Variants in DSG2 observed in about 807,000 individuals in gnomAD.
The protein encoded by DSG2 is desmoglein-2.
Under a neutral mutation model 75.6 loss-of-function variants are expected in DSG2, and 45 were observed. The observed-to-expected ratio is 0.60, with a 90% CI of 0.47 to 0.76. DSG2 has a LOEUF of 0.76. Ranked by LOEUF, DSG2 falls within the 30% of genes least tolerant of loss-of-function variation. DSG2 has a pLI of 0.00. For synonymous variants in DSG2, 429 were observed against 483.9 expected, an observed-to-expected ratio of 0.89 and a Z score of 1.49; for missense variants, 1,267 against 1,357.4, an observed-to-expected ratio of 0.93 and a Z score of 1.05.
chr18:31,535,744 CCAGA>C (rs969693920), intron 10 of DSG2, among the ~76,000 whole-genome samples: 3 of 150,898 alleles, frequency 2.0e-5, no homozygotes, highest in Non-Finnish European at 3.0e-5. Flanking sequence ...GGAGATCGCG[CCAGA>C]CAAAGGGAGA....
rs2144347066 is a variant in DSG2 at position 31,538,992 on chromosome 18, A to G, written c.1879+14A>G. 1.2e-6 allele frequency: 2 copies of G among 1,611,326 alleles called. No individual in the cohort carries two copies. The highest frequency in any genetic ancestry group is 1.7e-6 in the Non-Finnish European group (2 of 1,179,484). On this transcript the variant is annotated intron_variant, in intron 12 of 14. Transcript: ENST00000261590. ...TGCTCCTGCTATGTAAGTCTTTAAA[A>G]GCCACTCTGTTGTGCTTTTGGGAAT...
At chr18:31,515,055 A>C (rs1269920773) in intron 1 of DSG2, among the ~76,000 whole-genome samples, 1 of 152,220 alleles carries the variant, frequency 6.6e-6, no homozygotes, top group African/African-American at 2.4e-5. Context: ...GCCTGTATCA[A>C]AGAGAAGAGT....
intron 1 of DSG2, among the ~76,000 whole-genome samples, chr18:31,505,285 C>T (rs528601889): frequency 1.4e-4 from 21 of 152,316 alleles, no homozygotes; most frequent in African/African-American, 4.1e-4. Flanking sequence ...TGCACAGAAA[C>T]AGATTATCTT....
intron 8 of DSG2, among the ~76,000 whole-genome samples, chr18:31,525,640 G>A (rs2073158830): frequency 6.6e-6 from 1 of 152,086 alleles, no homozygotes; most frequent in South Asian, 2.1e-4. Flanking sequence ...AAAACTGCAT[G>A]CCAAAAATGT....
At chr18:31,535,068 A>G (rs2073220781) in intron 9 of DSG2, among the ~76,000 whole-genome samples, 1 of 152,230 alleles carries the variant, frequency 6.6e-6, no homozygotes, top group Non-Finnish European at 1.5e-5. Flanking sequence ...TTGCAGGAAT[A>G]AGAAAGGTCC....
chr18:31,527,240 G>T (rs1035677615), intron 8 of DSG2, among the ~76,000 whole-genome samples: 4 of 152,118 alleles, frequency 2.6e-5, no homozygotes, highest in Admixed American at 2.6e-4. Flanking sequence ...TGCTATACAG[G>T]TTTGTAGCAT....
At chr18:31,502,862 AT>A (rs1462511548) in intron 1 of DSG2, among the ~76,000 whole-genome samples, 2 of 152,230 alleles carry the variant, frequency 1.3e-5, no homozygotes, top group East Asian at 3.8e-4. Flanking sequence ...TATTTGAGCA[AT>A]TTTTAATCAC....
At chr18:31,541,696 T>A (rs183473726) in intron 13 of DSG2, among the ~76,000 whole-genome samples, 6 of 152,262 alleles carry the variant, frequency 3.9e-5, no homozygotes, top group African/African-American at 1.4e-4. Flanking sequence ...CCATGACACT[T>A]GTAAAATGTT....
chr18:31,544,331 G>T (rs971552825), intron 14 of DSG2, among the ~76,000 whole-genome samples: 7 of 151,928 alleles, frequency 4.6e-5, no homozygotes, highest in Admixed American at 1.3e-4. Context: ...CCAGAGATCA[G>T]TAACAAAGAG....
chr18:31,526,945 G>A (rs2073166359), intron 8 of DSG2, among the ~76,000 whole-genome samples: 1 of 152,120 alleles, frequency 6.6e-6, no homozygotes, highest in South Asian at 2.1e-4. Context: ...TATTATTGGA[G>A]AAAGAAAGTT....
chr18:31,542,957 G>GT, intron 14 of DSG2, 105 bp downstream of exon 14: 1 of 968,492 alleles, frequency 1.0e-6, no homozygotes, highest in South Asian at 2.2e-5. Context: ...ATGAGACTTT[G>GT]GGTTTTTTTT....
intron 8 of DSG2, among the ~76,000 whole-genome samples, chr18:31,529,761 T>A (rs2144330713): frequency 6.6e-6 from 1 of 152,334 alleles, no homozygotes; most frequent in South Asian, 2.1e-4. Context: ...CAAAAATGTT[T>A]AGTGCATCTA....
intron 1 of DSG2, among the ~76,000 whole-genome samples, chr18:31,507,425 T>A (rs928260190): frequency 2.0e-5 from 3 of 152,252 alleles, no homozygotes; most frequent in Non-Finnish European, 4.4e-5. Context: ...TGATTTATAA[T>A]CTTATGGGTA....
At chr18:31,532,906 G>A (rs1479393953) in intron 9 of DSG2, among the ~76,000 whole-genome samples, 1 of 134,100 alleles carries the variant, frequency 7.5e-6, no homozygotes, top group East Asian at 2.7e-4. Context: ...TTTGGCTGCT[G>A]TTTTGTTTGT....
At chr18:31,515,608 G>C (rs1224650707) in intron 1 of DSG2, among the ~76,000 whole-genome samples, 1 of 152,174 alleles carries the variant, frequency 6.6e-6, no homozygotes, top group Non-Finnish European at 1.5e-5. Flanking sequence ...TTTGGTTAGA[G>C]ACATCTCTGG....
chr18:31,509,175 A>G (rs952406624), intron 1 of DSG2, among the ~76,000 whole-genome samples: 1 of 152,242 alleles, frequency 6.6e-6, no homozygotes, highest in African/African-American at 2.4e-5. Context: ...CAAGTGTAGC[A>G]AAGCATTGCT....
intron 2 of DSG2, 29 bp from the exon 3 acceptor site, chr18:31,519,774 T>C: frequency 6.2e-7 from 1 of 1,608,558 alleles, no homozygotes; most frequent in Non-Finnish European, 8.5e-7. Flanking sequence ...TGACACATAA[T>C]AAATTTTGGC....
intron 9 of DSG2, among the ~76,000 whole-genome samples, chr18:31,532,350 A>G (rs771690397): frequency 6.6e-6 from 1 of 152,134 alleles, no homozygotes; most frequent in African/African-American, 2.4e-5. Flanking sequence ...TGGTGCCCTC[A>G]TGACTTAATC....
chr18:31,529,437 C>T (rs532715068), intron 8 of DSG2, among the ~76,000 whole-genome samples: 1 of 152,278 alleles, frequency 6.6e-6, no homozygotes, highest in South Asian at 2.1e-4. Context: ...ATGTCAAGTG[C>T]AAGAGTGACT....
Sources: gnomAD v4.1 joint callset for allele counts (sites outside exome capture counted in the v4.1 genomes callset) on GRCh38, gnomAD v4.1.1 for gene constraint, MANE v1.5 for transcripts, NCBI Gene and HGNC (gene_info 2026-07-23, HGNC 2026-07-21) for gene names.